Variants in HIP1 observed in about 807,000 individuals in gnomAD.
HIP1 encodes huntingtin interacting protein 1.
Under a neutral mutation model 147.6 loss-of-function variants are expected in HIP1, and 65 were observed. The observed-to-expected ratio is 0.44, with a 90% CI of 0.36 to 0.54. The LOEUF (loss-of-function observed/expected upper bound fraction) is 0.54, where lower values mean the gene tolerates loss of function less well. HIP1 is among the 20% of genes least tolerant of loss of function. HIP1 has a pLI of 0.00. For missense variants in HIP1, 1,061 were observed against 1,299.6 expected, an observed-to-expected ratio of 0.82 and a Z score of 2.82; for synonymous variants, 479 against 504.0, an observed-to-expected ratio of 0.95 and a Z score of 0.67.
chr7:75,643,546 A>G (rs1798712154), intron 1 of HIP1, among the ~76,000 whole-genome samples: 1 of 152,188 alleles, frequency 6.6e-6, no homozygotes, highest in Admixed American at 6.5e-5. Context: ...CGTATTTTGC[A>G]GGTATTGTGG....
At position 75,573,707 on chromosome 7, in the gene HIP1, G is replaced by T. The variant is rs1158647559; in HGVS notation, c.745+54C>A. ...TTCTCTGGGGACATCCTCAGGCTGG[G>T]ATCCTCCCTCTGGCCTGAATCTCAT... is the stretch of plus-strand genomic sequence containing the variant. On this transcript the variant is annotated intron_variant, in intron 8 of 30. Coordinates refer to ENST00000336926, the MANE Select transcript of HIP1 (RefSeq NM_005338.7). 1.0e-5 allele frequency: 16 copies of T among 1,567,002 alleles called. No homozygotes were observed. The African/African-American group carries it at 1.2e-4, about 12-fold the overall frequency.
At chr7:75,638,857 TCCCG>T (rs1431153230) in intron 1 of HIP1, among the ~76,000 whole-genome samples, 1 of 151,054 alleles carries the variant, frequency 6.6e-6, no homozygotes, top group Non-Finnish European at 1.5e-5. Flanking sequence ...CCAGAGCCCA[TCCCG>T]GCCGGCCAGC....
At chr7:75,608,447 T>A (rs1305202947) in intron 1 of HIP1, among the ~76,000 whole-genome samples, 1 of 152,224 alleles carries the variant, frequency 6.6e-6, no homozygotes, top group Non-Finnish European at 1.5e-5. Context: ...TCCAGTTCTC[T>A]ACACAGATAA....
chr7:75,585,304 C>A (rs1796215910), intron 5 of HIP1, among the ~76,000 whole-genome samples: 1 of 151,956 alleles, frequency 6.6e-6, no homozygotes, highest in Non-Finnish European at 1.5e-5. Context: ...CCTGCCTCAG[C>A]CTCCCGAGTA....
At chr7:75,592,670 A>G (rs1796544126) in intron 2 of HIP1, among the ~76,000 whole-genome samples, 156 bp from the exon 3 acceptor site, 2 of 152,134 alleles carry the variant, frequency 1.3e-5, no homozygotes, top group Non-Finnish European at 2.9e-5. Flanking sequence ...GCCTGCACAC[A>G]GCCACTGCAG....
intron 5 of HIP1, among the ~76,000 whole-genome samples, chr7:75,585,756 C>G: frequency 6.6e-6 from 1 of 151,956 alleles, no homozygotes; most frequent in Admixed American, 6.6e-5. Flanking sequence ...GTTGCCAGAC[C>G]CCTGTACACC....
At chr7:75,563,307 AG>A in intron 9 of HIP1, 44 bp from the exon 10 acceptor site, 1 of 1,580,604 alleles carries the variant, frequency 6.3e-7, no homozygotes, top group Non-Finnish European at 8.7e-7. Context: ...TGTCTTCATC[AG>A]CCCCATGTAG....
At chr7:75,716,943 G>A (rs781842243) in intron 1 of HIP1, among the ~76,000 whole-genome samples, 9 of 151,926 alleles carry the variant, frequency 5.9e-5, no homozygotes, top group Admixed American at 2.0e-4. Context: ...AACCTCCCAA[G>A]TAGCTGGGAC....
Position 75,536,977 on chromosome 7 carries a change from G to C in HIP1, c.*1195C>G. The C allele has an allele frequency of 4.3e-6, 1 of 231,886 alleles. No individual in the cohort carries two copies. The allele number at this position is 231,886 out of a possible 1,614,324, so 14.4% of individuals were successfully genotyped here. On this transcript the variant is annotated 3_prime_UTR_variant, in exon 31 of 31. Transcript: ENST00000336926. ...CTGATCTTCCGGGTTTGTCAATTGC[G>C]TAGAAGGTGGAACGATCTTCCTATT...
At chr7:75,549,120 G>C in intron 22 of HIP1, 119 bp from the exon 23 acceptor site, 1 of 679,466 alleles carries the variant, frequency 1.5e-6, no homozygotes, top group Non-Finnish European at 2.6e-6. Context: ...CCTTCTGCAA[G>C]CCACAGGGGT....
intron 8 of HIP1, 109 bp downstream of exon 8, chr7:75,573,652 G>A: frequency 3.5e-6 from 4 of 1,146,750 alleles, no homozygotes; most frequent in Non-Finnish European, 5.0e-6. Flanking sequence ...AACAGAAGCA[G>A]ACAGCCAAAG....
chr7:75,618,535 C>T (rs1797742056), intron 1 of HIP1, among the ~76,000 whole-genome samples: 1 of 152,136 alleles, frequency 6.6e-6, no homozygotes, highest in African/African-American at 2.4e-5. Context: ...GACCTGCCCT[C>T]CTCAGTCTCC....
intron 1 of HIP1, among the ~76,000 whole-genome samples, chr7:75,738,118 A>G (rs1351953998): frequency 2.0e-5 from 3 of 152,178 alleles, no homozygotes; most frequent in Non-Finnish European, 2.9e-5. Flanking sequence ...GGGGGATAAA[A>G]CCAAGACCCC....
At chr7:75,653,415 G>A (rs1799053145) in intron 1 of HIP1, among the ~76,000 whole-genome samples, 1 of 152,154 alleles carries the variant, frequency 6.6e-6, no homozygotes. Context: ...CACTTTGGGA[G>A]GCTGAGGCGG....
intron 1 of HIP1, among the ~76,000 whole-genome samples, chr7:75,691,824 G>T (rs1800463574): frequency 6.6e-6 from 1 of 151,978 alleles, no homozygotes; most frequent in South Asian, 2.1e-4. Context: ...TCCAGAATAG[G>T]CAAACCCATA....
At chr7:75,640,217 T>A (rs1554510280) in intron 1 of HIP1, among the ~76,000 whole-genome samples, 1 of 152,012 alleles carries the variant, frequency 6.6e-6, no homozygotes, top group African/African-American at 2.4e-5. Context: ...GGCAGTAAAG[T>A]TTTGGATGCA....
At chr7:75,555,624 G>A (rs1672925068) in intron 18 of HIP1, 73 bp from the exon 19 acceptor site, 3 of 1,544,032 alleles carry the variant, frequency 1.9e-6, no homozygotes, top group African/African-American at 1.4e-5. Context: ...ACCTGGCTGG[G>A]GCTCTTAGCA....
rs1554492972 is a variant in HIP1, at chr7:75,555,196, G to GT, written c.1963+219_1963+220insA. ...ACCCTATCTCAAAAAGCGGGGGGGC[G>GT]GGGGGGGGGAAGAAAATACTAAAAT... On this transcript the variant is annotated intron_variant, in intron 19 of 30. Coordinates refer to ENST00000336926, the MANE Select transcript of HIP1 (RefSeq NM_005338.7). Among the ~76,000 whole-genome samples, 5 of 3,702 alleles carry GT rather than the reference G, an allele frequency of 1.4e-3. No homozygotes were observed. In the African/African-American group the frequency reaches 0.017, roughly 13 times the overall value. 2.4% of individuals were successfully genotyped at this position (3,702 alleles called of 152,430 possible). A position where few individuals can be genotyped will look rare whatever the true frequency, so the allele number is the denominator to read the frequency against.
intron 1 of HIP1, among the ~76,000 whole-genome samples, chr7:75,670,558 G>T (rs1387537360): frequency 6.6e-6 from 1 of 151,860 alleles, no homozygotes; most frequent in African/African-American, 2.4e-5. Flanking sequence ...AAACTGAAAC[G>T]GTCCCCATTA....
Sources: allele counts gnomAD v4.1 joint callset (sites outside exome capture counted in the v4.1 genomes callset), GRCh38; gene constraint gnomAD v4.1.1; transcripts MANE v1.5; gene names NCBI Gene and HGNC (gene_info 2026-07-23, HGNC 2026-07-21).